Variants in TMEM200A observed in about 807,000 individuals in gnomAD.
TMEM200A encodes the protein two transmembrane C.
In TMEM200A, 12 loss-of-function variants were observed where a neutral mutation model predicts 24.3. The ratio of observed to expected loss-of-function variants is 0.49; its 90% CI spans 0.32 to 0.80. The LOEUF is 0.80. Among genes scored for constraint, TMEM200A ranks in the 30% least tolerant of loss-of-function variants. The pLI, the probability that TMEM200A is intolerant of heterozygous loss-of-function variation, is 0.04. For synonymous variants in TMEM200A, 224 were observed against 224.4 expected (o/e 1.00, Z 0.02); for missense variants, 545 against 614.4 (o/e 0.89, Z 1.19).
chr6:130,413,067 A>C (rs1779368365), intron 2 of TMEM200A, among the ~76,000 whole-genome samples: 1 of 152,190 alleles, frequency 6.6e-6, no homozygotes, highest in Non-Finnish European at 1.5e-5. Context: ...TTCATGATGG[A>C]AACTTCAGAA....
chr6:130,417,334 T>A (rs1427812874), intron 2 of TMEM200A, among the ~76,000 whole-genome samples: 1 of 152,098 alleles, frequency 6.6e-6, no homozygotes, highest in African/African-American at 2.4e-5. Context: ...CAATCTGAGT[T>A]TGAAAAAAAT....
chr6:130,401,953 G>T (rs1382460605), intron 2 of TMEM200A, among the ~76,000 whole-genome samples: 1 of 151,594 alleles, frequency 6.6e-6, no homozygotes, highest in African/African-American at 2.4e-5. Context: ...ATATGGTAGG[G>T]ACAGTGTACC....
At position 130,426,462 on chromosome 6, in the gene TMEM200A, C is replaced by CT. The variant is rs1041429936; in HGVS notation, c.-16-13945_-16-13944insT. The stretch of plus-strand genomic sequence containing the variant: ...TAAGGAGAAGAATCCTTTCTGCAGC[C>CT]CCCCCCCCCTCAGTTTCCCTTCATC... On this transcript the variant is annotated intron_variant, in intron 2 of 2. Transcript: ENST00000296978. Among the ~76,000 whole-genome samples, 43 of 116,696 alleles carry CT rather than the reference C, an allele frequency of 3.7e-4. No homozygotes were observed. The South Asian group carries it at 0.01, about 27-fold the overall frequency. The allele number at this position is 116,696 out of a possible 152,430, so 76.6% of individuals were successfully genotyped here. A position where few individuals can be genotyped will look rare whatever the true frequency, so the allele number is the denominator to read the frequency against.
intron 2 of TMEM200A, among the ~76,000 whole-genome samples, chr6:130,390,190 ATATGAT>A (rs1458799651): frequency 3.3e-5 from 5 of 152,368 alleles, no homozygotes; most frequent in African/African-American, 1.2e-4. Context: ...GATCTGATAG[ATATGAT>A]TATAAGTCAT....
At chr6:130,410,442 TTTTTA>T (rs1414533651) in intron 2 of TMEM200A, among the ~76,000 whole-genome samples, 1 of 152,186 alleles carries the variant, frequency 6.6e-6, no homozygotes, top group African/African-American at 2.4e-5. Context: ...TTCTAGACAG[TTTTTA>T]TTTTAAGGGA....
At chr6:130,382,974 T>G in intron 1 of TMEM200A, 1 of 977,260 alleles carries the variant, frequency 1.0e-6, no homozygotes, top group South Asian at 4.7e-5. Context: ...CTAGTGACTC[T>G]AGATCAGGAA....
At chr6:130,398,991 A>T (rs1779019985) in intron 2 of TMEM200A, among the ~76,000 whole-genome samples, 1 of 151,988 alleles carries the variant, frequency 6.6e-6, no homozygotes, top group Non-Finnish European at 1.5e-5. Flanking sequence ...ATGAGTGTAA[A>T]CACAATCTTA....
intron 2 of TMEM200A, among the ~76,000 whole-genome samples, chr6:130,396,173 T>C (rs1583192325): frequency 1.3e-5 from 2 of 152,210 alleles, no homozygotes; most frequent in Non-Finnish European, 2.9e-5. Context: ...GTATTTCTAA[T>C]GCTTATGAAC....
chr6:130,385,317 A>T (rs189499248), intron 2 of TMEM200A, 81 bp downstream of exon 2: 1 of 152,258 alleles, frequency 6.6e-6, no homozygotes, highest in African/African-American at 2.4e-5. Flanking sequence ...ATTTTTTTGT[A>T]ATGAGTTTAT....
chr6:130,411,881 G>A (rs1012508366), intron 2 of TMEM200A, among the ~76,000 whole-genome samples: 1 of 152,136 alleles, frequency 6.6e-6, no homozygotes, highest in Non-Finnish European at 1.5e-5. Context: ...ACTGTTTTTT[G>A]TAAGGGGGTA....
At chr6:130,419,603 G>A (rs1779535300) in intron 2 of TMEM200A, among the ~76,000 whole-genome samples, 1 of 151,978 alleles carries the variant, frequency 6.6e-6, no homozygotes, top group African/African-American at 2.4e-5. Flanking sequence ...TCTAGATGTG[G>A]GCAATTTCTG....
chr6:130,415,744 A>G (rs1378409524), intron 2 of TMEM200A, among the ~76,000 whole-genome samples: 1 of 152,196 alleles, frequency 6.6e-6, no homozygotes, highest in Non-Finnish European at 1.5e-5. Flanking sequence ...CCAAACCTAA[A>G]AGAAAAATCT....
Position 130,434,160 on chromosome 6 carries a change from C to G in TMEM200A, c.-16-6247C>G, listed in dbSNP as rs552507216. On this transcript the variant is annotated intron_variant, in intron 2 of 2. Coordinates refer to ENST00000296978, the MANE Select transcript of TMEM200A (RefSeq NM_001258277.2). Reference sequence around the variant, plus strand: ...TCAACCATACTCAAACCTTCATCAACTCAGTTCACAGTCAACAGATACTTA... The same window carrying G: ...TCAACCATACTCAAACCTTCATCAAGTCAGTTCACAGTCAACAGATACTTA... Among the ~76,000 whole-genome samples the G allele has an allele frequency of 1.2e-4, 19 of 152,310 alleles. No homozygotes were observed. The South Asian group carries it at 2.3e-3, about 18-fold the overall frequency.
chr6:130,412,566 A>C (rs978176309), intron 2 of TMEM200A, among the ~76,000 whole-genome samples: 1 of 151,860 alleles, frequency 6.6e-6, no homozygotes, highest in Admixed American at 6.6e-5. Context: ...CTGTGGAGAC[A>C]CCCTCTTTAC....
chr6:130,392,869 C>A (rs749443559), intron 2 of TMEM200A, among the ~76,000 whole-genome samples: 21 of 152,150 alleles, frequency 1.4e-4, no homozygotes, highest in Non-Finnish European at 2.4e-4. Context: ...TTTATTTCCC[C>A]CACTAAATTG....
chr6:130,407,546 A>T (rs1185960735), intron 2 of TMEM200A, among the ~76,000 whole-genome samples: 4 of 152,216 alleles, frequency 2.6e-5, no homozygotes, highest in Non-Finnish European at 5.9e-5. Flanking sequence ...TTATCTCAAT[A>T]ATCATTTACT....
At chr6:130,389,907 A>G (rs1266260716) in intron 2 of TMEM200A, among the ~76,000 whole-genome samples, 1 of 152,196 alleles carries the variant, frequency 6.6e-6, no homozygotes, top group East Asian at 1.9e-4. Context: ...TTCTTTGTTA[A>G]TATATTTTAC....
chr6:130,381,992 G>T, intron 1 of TMEM200A: 18 of 984,134 alleles, frequency 1.8e-5, no homozygotes, highest in Non-Finnish European at 2.2e-5. Flanking sequence ...CTCCTTCAAA[G>T]ATAGTTTTAA....
intron 1 of TMEM200A, among the ~76,000 whole-genome samples, chr6:130,379,087 C>T (rs1038036227): frequency 6.6e-6 from 1 of 152,170 alleles, no homozygotes; most frequent in African/African-American, 2.4e-5. Flanking sequence ...GCAGAGGCCT[C>T]GTGGCCTAAT....
Sources: allele counts gnomAD v4.1 joint callset (sites outside exome capture counted in the v4.1 genomes callset), GRCh38; gene constraint gnomAD v4.1.1; transcripts MANE v1.5; gene names NCBI Gene and HGNC (gene_info 2026-07-23, HGNC 2026-07-21).